OR4A15: variants seen among roughly 807,000 people sequenced by gnomAD.
The protein encoded by OR4A15 is olfactory receptor 4A15.
For synonymous variants in OR4A15, 240 were observed against 135.6 expected (o/e 1.77, Z -5.35); for missense variants, 657 against 374.7 (o/e 1.75, Z -6.22).
exon 1 of OR4A15, chr11:55,368,617 C>T (rs748126503): frequency 6.2e-7 from 1 of 1,613,700 alleles, no homozygotes; most frequent in South Asian, 1.1e-5. Context: ...ATCCTGCTTT[C>T]CTATGGGGTC....
At chr11:55,368,232 A>C (rs767737989) in exon 1 of OR4A15, 1 of 1,613,736 alleles carries the variant, frequency 6.2e-7, no homozygotes, top group South Asian at 1.1e-5. Flanking sequence ...GCTCTCTGAG[A>C]AAAAGACCAT....
Position 55,368,171 on chromosome 11 carries a change from C to T in OR4A15, c.198C>T (p.Phe66=), listed in dbSNP as rs747544149. Residue 66 remains phenylalanine (F), a synonymous_variant, in exon 1 of 1, where the codon TTC becomes TTT. Transcript: ENST00000641526. ...ACTTTTTTCTGGCTTCTTTATCATT[C>T]ATAGATACCGTCTATTCTACTGCAT... 9.7e-5 allele frequency: 157 copies of T among 1,613,050 alleles called. 1 individual carries two copies. Among genetic ancestry groups the T allele is most frequent in the Non-Finnish European group, 1.2e-4 (145 of 1,179,920 alleles).
chr11:55,368,113 T>A (rs1565112674), exon 1 of OR4A15: 1 of 1,612,960 alleles, frequency 6.2e-7, no homozygotes, highest in African/African-American at 1.3e-5. Context: ...ATAGTGACCA[T>A]CATGGCCAGC....
In OR4A15 at chr11:55,368,864, GA is replaced by G. The variant is rs781599119; in HGVS notation, c.894del (p.Lys298AsnfsTer7). On this transcript the variant is annotated frameshift_variant, in exon 1 of 1. Transcript: ENST00000641526. LOFTEE classifies it low-confidence loss of function (END_TRUNC). ...ATGCAGAAATGAAAAGTGCCATGAG[GA>G]AACTTTGGAGTAAAAAAGTAAGCTT... 8.1e-6 allele frequency: 13 copies of G among 1,610,760 alleles called. No individual in the cohort carries two copies. In the Admixed American group the frequency reaches 2.2e-4, roughly 27 times the overall value.
chr11:55,368,423 C>G, exon 1 of OR4A15: 2 of 1,612,796 alleles, frequency 1.2e-6, no homozygotes, highest in Non-Finnish European at 1.7e-6. Flanking sequence ...GGATTGGAGG[C>G]TTTCTTCACT....
Position 55,368,407 on chromosome 11 carries a change from C to G in OR4A15, c.434C>G (p.Ala145Gly), listed in dbSNP as rs374555766. The change falls in exon 1 of 1, where the codon GCG becomes GGG. Residue 145 changes from alanine to glycine, a missense_variant. Ala to Gly is a moderately conservative substitution (Grantham distance 60, BLOSUM62 0). Transcript: ENST00000641526. ...CGAGTCTGTGTTCTTATGCTGTTGG[C>G]GGCCTGGATTGGAGGCTTTCTTCAC... 5.0e-6 allele frequency: 8 copies of G among 1,613,242 alleles called. 1 individual carries two copies. In the South Asian group the frequency reaches 7.7e-5, roughly 16 times the overall value.
At position 55,368,106 on chromosome 11, in the gene OR4A15, G is replaced by A. The variant is rs887259805; in HGVS notation, c.133G>A (p.Val45Met). 8 of 1,612,894 alleles carry A rather than the reference G, an allele frequency of 5.0e-6. No individual in the cohort carries two copies. The African/African-American group carries it at 6.7e-5, about 13-fold the overall frequency. Residue 45 changes from valine (V) to methionine (M), a missense_variant, in exon 1 of 1, where the codon GTG (valine) becomes ATG (methionine). By Grantham distance (21) the Val-to-Met change is conservative (BLOSUM62 1). Coordinates refer to ENST00000641526, the Ensembl canonical transcript of OR4A15. ...GATAATGGGCAACCTGCTTATCATA[G>A]TGACCATCATGGCCAGCCAGTCCCT...
At chr11:55,367,994 G>C (rs1024031799) in exon 1 of OR4A15, 2 of 1,613,262 alleles carry the variant, frequency 1.2e-6, no homozygotes, top group East Asian at 2.2e-5. Flanking sequence ...AGAACAATGT[G>C]ACTGAATTTA....
exon 1 of OR4A15, chr11:55,367,988 C>T: frequency 6.2e-7 from 1 of 1,613,292 alleles, no homozygotes; most frequent in Middle Eastern, 1.7e-4. Flanking sequence ...AAAATAAGAA[C>T]AATGTGACTG....
exon 1 of OR4A15, chr11:55,368,389 G>T (rs1853882967): frequency 1.2e-6 from 2 of 1,613,718 alleles, no homozygotes; most frequent in Non-Finnish European, 1.7e-6. Context: ...CGTCGAGTCT[G>T]TGTTCTTATG....
exon 1 of OR4A15, chr11:55,368,897 G>T: frequency 1.9e-6 from 3 of 1,604,320 alleles, no homozygotes; most frequent in South Asian, 2.2e-5. Context: ...GCTTAGCTGG[G>T]AAATGGCTGT....
At chr11:55,368,640 C>T in exon 1 of OR4A15, 2 of 1,613,734 alleles carry the variant, frequency 1.2e-6, no homozygotes, top group South Asian at 2.2e-5. Flanking sequence ...ATTACACTCT[C>T]TTAAGACTCA....
chr11:55,368,722 T>C (rs758037743), exon 1 of OR4A15: 3 of 1,613,754 alleles, frequency 1.9e-6, no homozygotes, highest in South Asian at 1.1e-5. Context: ...TTATTCTTTG[T>C]CCCCTGTATC....
At chr11:55,368,240 C>T (rs201954897) in exon 1 of OR4A15, 82 of 1,613,750 alleles carry the variant, frequency 5.1e-5, no homozygotes, top group Non-Finnish European at 6.0e-5. Flanking sequence ...AGAAAAAGAC[C>T]ATTTCCTTTC....
chr11:55,368,288 T>G (rs761451989), exon 1 of OR4A15: 1 of 1,613,940 alleles, frequency 6.2e-7, no homozygotes, highest in African/African-American at 1.3e-5. Context: ...ATCATTTATT[T>G]GCTGGTGCTG....
At chr11:55,367,996 C>A in exon 1 of OR4A15, 1 of 1,613,410 alleles carries the variant, frequency 6.2e-7, no homozygotes, top group Non-Finnish European at 8.5e-7. Flanking sequence ...AACAATGTGA[C>A]TGAATTTATC....
exon 1 of OR4A15, chr11:55,368,783 T>C (rs749655830): frequency 3.1e-6 from 5 of 1,613,724 alleles, no homozygotes; most frequent in South Asian, 1.1e-5. Context: ...AATCCATGAC[T>C]GTAGTTCTAA....
At chr11:55,368,915 A>C (rs1251221746) in exon 1 of OR4A15, 2 of 1,576,890 alleles carry the variant, frequency 1.3e-6, no homozygotes, top group South Asian at 2.3e-5. Context: ...TGTATCACTC[A>C]TGAGAATGTG....
At chr11:55,368,185 A>G in exon 1 of OR4A15, 1 of 1,613,456 alleles carries the variant, frequency 6.2e-7, no homozygotes, top group Non-Finnish European at 8.5e-7. Context: ...GATACCGTCT[A>G]TTCTACTGCA....
Sources: gnomAD v4.1 joint callset for allele counts on GRCh38, gnomAD v4.1.1 for gene constraint, MANE v1.5 for transcripts, NCBI Gene and HGNC (gene_info 2026-07-23, HGNC 2026-07-21) for gene names.